The following CELSR2 variants were observed in gnomAD, a reference collection of about 807,000 sequenced individuals.
The protein encoded by CELSR2 is cadherin EGF LAG seven-pass G-type receptor 2.
A neutral mutation model predicts 251.6 loss-of-function variants in CELSR2; 81 were observed. The ratio of observed to expected loss-of-function variants is 0.32; its 90% CI spans 0.27 to 0.39. The LOEUF (loss-of-function observed/expected upper bound fraction) is 0.39, where lower values mean the gene tolerates loss of function less well. Ranked by LOEUF, CELSR2 falls within the 10% of genes least tolerant of loss-of-function variation. The pLI, the probability that CELSR2 is intolerant of heterozygous loss-of-function variation, is 1.00. For synonymous variants in CELSR2, 1,721 were observed against 1,670.5 expected (o/e 1.03, Z -0.74); for missense variants, 3,365 against 3,947.7 (o/e 0.85, Z 3.96).
rs1655617353 is a variant in CELSR2, at chr1:109,249,679, G to A, written c.-401G>A. Among the ~76,000 whole-genome samples, 1 of 147,246 alleles carries A rather than the reference G, an allele frequency of 6.8e-6. No individual in the cohort carries two copies. Among genetic ancestry groups the A allele is most frequent in the South Asian group, 2.1e-4 (1 of 4,822 alleles). The stretch of plus-strand genomic sequence containing the variant: ...TCGGGGGCCGCCGGGGCCGGGCCGG[G>A]GTCGGGGCGCACGGCTACGCGGGCG... On this transcript the variant is annotated 5_prime_UTR_variant, in exon 1 of 34. Coordinates refer to ENST00000271332, the MANE Select transcript of CELSR2 (RefSeq NM_001408.3).
At position 109,262,798 on chromosome 1, in the gene CELSR2, TC is replaced by T; in HGVS notation, c.4545-3del. 1 of 1,608,078 alleles carries T rather than the reference TC, an allele frequency of 6.2e-7. No homozygotes were observed. The highest frequency in any genetic ancestry group is 2.2e-5 in the East Asian group (1 of 44,698). On this transcript the variant is annotated splice_region_variant and splice_polypyrimidine_tract_variant and intron_variant, in intron 6 of 33. Coordinates refer to ENST00000271332, the MANE Select transcript of CELSR2 (RefSeq NM_001408.3). ...TCCCTTGTGCCGCCACCATCTTTGC[TC>T]CCCCAGGTCTCTGGATCTGACGGGG...
chr1:109,272,473 C>T, intron 29 of CELSR2, 68 bp downstream of exon 29: 1 of 1,559,158 alleles, frequency 6.4e-7, no homozygotes, highest in Non-Finnish European at 8.7e-7. Context: ...CCAGGCCAGC[C>T]AGCTGTTGGG....
chr1:109,269,233 A>T lies in CELSR2; in HGVS notation c.6755A>T (p.Tyr2252Phe), dbSNP rs899218960. The change falls in exon 20 of 34, where the codon TAC (tyrosine) becomes TTC (phenylalanine). Residue 2252 changes from tyrosine to phenylalanine, a missense_variant. Physicochemically the swap from Tyr to Phe is conservative, Grantham distance 22. Around this residue, in one of 5 missense-constraint regions of CELSR2, gnomAD observed 2,093 missense variants for 2,382.8 expected, o/e 0.88. Transcript: ENST00000271332. The surrounding 1 kb of genome is among the most constrained non-coding windows in gnomAD (Gnocchi z 6.4). ...QGEAVASVII[Y>F]RTLAGLLPHN... ...GAGGCTGTGGCCAGCGTCATCATCT[A>T]CCGCACCCTGGCCGGGCTACTGCCT... 1 of 1,612,844 alleles carries T rather than the reference A, an allele frequency of 6.2e-7. No individual in the cohort carries two copies. The highest frequency in any genetic ancestry group is 1.3e-5 in the African/African-American group (1 of 74,910).
At chr1:109,266,512 C>A in intron 15 of CELSR2, 5 of 200,424 alleles carry the variant, frequency 2.5e-5, no homozygotes, top group Middle Eastern at 3.6e-3. Flanking sequence ...CTCCCAGGTT[C>A]AAGCAATTTT....
intron 28 of CELSR2, among the ~76,000 whole-genome samples, chr1:109,272,000 A>G (rs1415896039): frequency 6.6e-6 from 1 of 152,174 alleles, no homozygotes; most frequent in Non-Finnish European, 1.5e-5. Flanking sequence ...TCTGTCTCCC[A>G]AGGTGCTCTC....
In CELSR2 at chr1:109,250,090, C is replaced by T. The variant is rs746737254; in HGVS notation, c.11C>T (p.Pro4Leu). The change falls in exon 1 of 34, where the codon CCG becomes CTG. Residue 4 changes from proline to leucine, a missense_variant. Around this residue, in one of 5 missense-constraint regions of CELSR2, gnomAD observed 704 missense variants for 784.1 expected, o/e 0.90. Coordinates refer to ENST00000271332, the MANE Select transcript of CELSR2 (RefSeq NM_001408.3). This position sits in a 1 kb window ranked among gnomAD's most constrained non-coding sequence, Gnocchi z 4.4. ...CGGGAGCTGGGAGAGATGCGGAGCC[C>T]GGCCACCGGCGTCCCCCTCCCAACG... is the stretch of plus-strand genomic sequence containing the variant. MRS[P>L]ATGVPLPTPP... The T allele has an allele frequency of 1.3e-6, 2 of 1,509,912 alleles. No homozygotes were observed. The highest frequency in any genetic ancestry group is 1.8e-6 in the Non-Finnish European group (2 of 1,137,080). 93.5% of individuals were successfully genotyped at this position (1,509,912 alleles called of 1,614,324 possible).
Position 109,270,555 on chromosome 1 carries a change from C to T in CELSR2, c.7438C>T (p.Arg2480Cys), listed in dbSNP as rs372369229. ...EVRDVNTGPMRFYYMLGWGVP... is the reference protein window; with the variant it reads ...EVRDVNTGPMCFYYMLGWGVP... Reference sequence around the variant, plus strand: ...GCGCGATGTCAACACCGGCCCCATGCGCTTCTACTACATGCTGGGCTGGGG... The same window carrying T: ...GCGCGATGTCAACACCGGCCCCATGTGCTTCTACTACATGCTGGGCTGGGG... Residue 2480 changes from arginine to cysteine, a missense_variant, in exon 24 of 34, where the codon CGC (arginine) becomes TGC (cysteine). Physicochemically the swap from Arg to Cys is radical, Grantham distance 180. Around this residue, in one of 5 missense-constraint regions of CELSR2, gnomAD observed 2,093 missense variants for 2,382.8 expected, o/e 0.88. Coordinates refer to ENST00000271332, the MANE Select transcript of CELSR2 (RefSeq NM_001408.3). 28 of 1,614,040 alleles carry T rather than the reference C, an allele frequency of 1.7e-5. No individual in the cohort carries two copies. The highest frequency in any genetic ancestry group is 1.6e-4 in the Middle Eastern group (1 of 6,084).
In CELSR2 at chr1:109,269,483, A is replaced by C. The variant is rs1656304044; in HGVS notation, c.6872A>C (p.Glu2291Ala). 1 of 1,613,984 alleles carries C rather than the reference A, an allele frequency of 6.2e-7. No individual in the cohort carries two copies. Among genetic ancestry groups the C allele is most frequent in the African/African-American group, 1.3e-5 (1 of 74,932 alleles). The change falls in exon 21 of 34, where the codon GAG becomes GCG. Residue 2291 changes from glutamate (E) to alanine (A), a missense_variant. Physicochemically the swap from Glu to Ala is moderately radical, Grantham distance 107. Transcript: ENST00000271332. The surrounding 1 kb of genome is among the most constrained non-coding windows in gnomAD (Gnocchi z 6.4). ...GTGAGCATCAGCGTCCATGATGATG[A>C]GGAGCTTCTGCCCCGGGCCCTGGAC... ...PVVSISVHDD[E>A]ELLPRALDKP... is the part of the protein sequence containing the mutation.
chr1:109,266,074 C>T, intron 14 of CELSR2, 31 bp from the exon 15 acceptor site: 2 of 1,611,712 alleles, frequency 1.2e-6, no homozygotes, highest in South Asian at 1.1e-5. Context: ...GGGAGAGCTG[C>T]TCCTGGGTGA....
chr1:109,252,459 C>T lies in CELSR2; in HGVS notation c.2380C>T (p.Gln794Ter). 1 of 1,613,790 alleles carries T rather than the reference C, an allele frequency of 6.2e-7. No individual in the cohort carries two copies. The highest frequency in any genetic ancestry group is 8.5e-7 in the Non-Finnish European group (1 of 1,180,034). Residue 794 changes from glutamine (Q) to a stop codon, truncating the protein, a stop_gained, in exon 1 of 34, where the codon CAG (glutamine) becomes TAG (stop). Transcript: ENST00000271332. LOFTEE classifies it high-confidence loss of function. This position sits in a 1 kb window ranked among gnomAD's most constrained non-coding sequence, Gnocchi z 4.8. ...AITARDNGIP[Q>*]KSDTTYLEIL... Reference sequence around the variant, plus strand: ...TACTGCTCGGGACAATGGCATTCCCCAGAAGTCCGACACCACCTACCTGGA... The same window carrying T: ...TACTGCTCGGGACAATGGCATTCCCTAGAAGTCCGACACCACCTACCTGGA...
chr1:109,264,889 C>A lies in CELSR2; in HGVS notation c.5486C>A (p.Thr1829Asn). The A allele has an allele frequency of 6.2e-7, 1 of 1,614,186 alleles. No individual in the cohort carries two copies. The highest frequency in any genetic ancestry group is 1.1e-5 in the South Asian group (1 of 91,086). ...CCAGGTTACTATGGTGACAACTGTA[C>A]TAATGTGTGTGACCTGAACCCGTGT... ...CDPGYYGDNCTNVCDLNPCEH... is the reference protein window; with the variant it reads ...CDPGYYGDNCNNVCDLNPCEH... The change falls in exon 12 of 34, where the codon ACT (threonine) becomes AAT (asparagine). Residue 1829 changes from threonine to asparagine, a missense_variant. By Grantham distance (65) the Thr-to-Asn change is moderately conservative. Coordinates refer to ENST00000271332, the MANE Select transcript of CELSR2 (RefSeq NM_001408.3).
rs1035144937 is a variant in CELSR2 at position 109,257,303 on chromosome 1, T to G, written c.3311-1129T>G. Among the ~76,000 whole-genome samples the G allele has an allele frequency of 4.0e-5, 6 of 150,168 alleles. No individual in the cohort carries two copies. The Admixed American group carries it at 4.0e-4, about 10-fold the overall frequency. ...AGGAGTTCGAGGCTACAGTGAGCTATGATCGTGCCACTGCTCTCCAGTGTA... is the reference window on the plus strand; with the variant it reads ...AGGAGTTCGAGGCTACAGTGAGCTAGGATCGTGCCACTGCTCTCCAGTGTA... On this transcript the variant is annotated intron_variant, in intron 1 of 33. Transcript: ENST00000271332.
rs1655663837 is a variant in CELSR2 at position 109,250,766 on chromosome 1, C to A, written c.687C>A (p.Asn229Lys). 1.2e-6 allele frequency: 2 copies of A among 1,614,126 alleles called. No homozygotes were observed. Among genetic ancestry groups the A allele is most frequent in the South Asian group, 1.1e-5 (1 of 91,086 alleles). The change falls in exon 1 of 34, where the codon AAC becomes AAA. Residue 229 changes from asparagine (N) to lysine (K), a missense_variant. Physicochemically the swap from Asn to Lys is moderately conservative, Grantham distance 94. Around this residue, in one of 5 missense-constraint regions of CELSR2, gnomAD observed 704 missense variants for 784.1 expected, o/e 0.90. Transcript: ENST00000271332. The surrounding 1 kb of genome is among the most constrained non-coding windows in gnomAD (Gnocchi z 4.4). The stretch of plus-strand genomic sequence containing the variant: ...ATGCCCTCTTTGATAGCCGCTCCAA[C>A]CAGTTCTTCTCCCTGGACCCAGTCA... Reference protein sequence around the residue: ...TMDALFDSRSNQFFSLDPVTG... With the variant: ...TMDALFDSRSKQFFSLDPVTG...
rs372192116 is a variant in CELSR2 at position 109,262,282 on chromosome 1, C to T, written c.4387-5C>T. 131 of 1,613,392 alleles carry T rather than the reference C, an allele frequency of 8.1e-5. No individual in the cohort carries two copies. Among genetic ancestry groups the T allele is most frequent in the Non-Finnish European group, 8.8e-5 (104 of 1,179,930 alleles). On this transcript the variant is annotated splice_polypyrimidine_tract_variant and splice_region_variant and intron_variant, in intron 5 of 33. Coordinates refer to ENST00000271332, the MANE Select transcript of CELSR2 (RefSeq NM_001408.3). The stretch of plus-strand genomic sequence containing the variant: ...TCCCCCTTCTCTGCTCTTTCCTGTC[C>T]ACAGCCACTGTTGGGTCAGACAGGG...
intron 2 of CELSR2, 115 bp from the exon 3 acceptor site, chr1:109,260,927 G>A (rs574708346): frequency 5.5e-6 from 4 of 725,926 alleles, no homozygotes; most frequent in Admixed American, 2.7e-5. Context: ...GGGAGGTTTG[G>A]GGAGTATTAC....
chr1:109,270,168 C>T, intron 23 of CELSR2, 35 bp downstream of exon 23: 2 of 1,603,404 alleles, frequency 1.2e-6, no homozygotes, highest in Non-Finnish European at 8.5e-7. Context: ...ACTGTCCCCA[C>T]CTTCTCAGGC....
At position 109,269,519 on chromosome 1, in the gene CELSR2, C is replaced by T. The variant is rs150873094; in HGVS notation, c.6908C>T (p.Thr2303Met). 9.9e-6 allele frequency: 16 copies of T among 1,614,018 alleles called. No individual in the cohort carries two copies. The highest frequency in any genetic ancestry group is 2.2e-5 in the East Asian group (1 of 44,896). The change falls in exon 21 of 34, where the codon ACG becomes ATG. Residue 2303 changes from threonine (T) to methionine (M), a missense_variant. Around this residue, in one of 5 missense-constraint regions of CELSR2, gnomAD observed 2,093 missense variants for 2,382.8 expected, o/e 0.88. Coordinates refer to ENST00000271332, the MANE Select transcript of CELSR2 (RefSeq NM_001408.3). The surrounding 1 kb of genome is among the most constrained non-coding windows in gnomAD (Gnocchi z 6.4). ...LLPRALDKPV[T>M]VQFRLLETEE... ...CCCCGGGCCCTGGACAAACCCGTCA[C>T]GGTGCAGTTCCGCCTGCTGGAGACA... is the stretch of plus-strand genomic sequence containing the variant.
intron 17 of CELSR2, 131 bp from the exon 18 acceptor site, chr1:109,268,450 G>A: frequency 2.4e-6 from 3 of 1,229,768 alleles, no homozygotes; most frequent in Non-Finnish European, 3.3e-6. Flanking sequence ...CATTTCAGGG[G>A]AGGCAACAGT....
At position 109,249,628 on chromosome 1, in the gene CELSR2, G is replaced by A. The variant is rs1358639888; in HGVS notation, c.-452G>A. Among the ~76,000 whole-genome samples, 1 of 146,694 alleles carries A rather than the reference G, an allele frequency of 6.8e-6. No individual in the cohort carries two copies. The highest frequency in any genetic ancestry group is 1.5e-5 in the Non-Finnish European group (1 of 65,958). On this transcript the variant is annotated 5_prime_UTR_variant, in exon 1 of 34. Transcript: ENST00000271332. ...AGGCAGCAGCCGCGGCGGGGACGCG[G>A]GGCGCGAGCGGGCGGCGCGGGACCG... is the stretch of plus-strand genomic sequence containing the variant.
Sources: gnomAD v4.1 joint callset for allele counts (sites outside exome capture counted in the v4.1 genomes callset) on GRCh38, gnomAD v4.1.1 for gene constraint, gnomAD v4.1.1 regional missense constraint, Gnocchi (gnomAD v3.1) non-coding constraint, MANE v1.5 for transcripts, NCBI Gene and HGNC (gene_info 2026-07-23, HGNC 2026-07-21) for gene names.